TBC1D5: variants seen among roughly 807,000 people sequenced by gnomAD.
TBC1D5 encodes TBC1 domain family, member 5.
A neutral mutation model predicts 100.3 loss-of-function variants in TBC1D5; 75 were observed. The observed-to-expected ratio is 0.75, with a 90% CI of 0.62 to 0.91. TBC1D5 has a LOEUF of 0.91. Among genes scored for constraint, TBC1D5 ranks in the 40% least tolerant of loss-of-function variants. The pLI is 0.00. For missense variants in TBC1D5, 910 were observed against 942.4 expected (o/e 0.97, Z 0.45); for synonymous variants, 323 against 325.6 (o/e 0.99, Z 0.09).
chr3:17,731,187 CATAAT>C (rs2076523097), intron 1 of TBC1D5, among the ~76,000 whole-genome samples: 1 of 152,026 alleles, frequency 6.6e-6, no homozygotes. Context: ...TACAAAATCA[CATAAT>C]ATAAGGGAGG....
At chr3:17,540,905 C>CAAAAAAAAAAAAAAAA (rs71634807) in intron 2 of TBC1D5, among the ~76,000 whole-genome samples, 1 of 31,456 alleles carries the variant, frequency 3.2e-5, no homozygotes, top group Non-Finnish European at 5.0e-5. Flanking sequence ...GGCTCCATCT[C>CAAAAAAAAAAAAAAAA]AAAAAAAAAA....
intron 1 of TBC1D5, among the ~76,000 whole-genome samples, chr3:17,737,860 G>A (rs939187672): frequency 6.6e-6 from 1 of 150,856 alleles, no homozygotes; most frequent in Non-Finnish European, 1.5e-5. Flanking sequence ...TCTTTTCTAG[G>A]CAACTGAATT....
At position 17,723,525 on chromosome 3, in the gene TBC1D5, A is replaced by C. The variant is rs557596802; in HGVS notation, c.-101+15818T>G. On this transcript the variant is annotated intron_variant, in intron 1 of 21. Coordinates refer to ENST00000253692, the Ensembl canonical transcript of TBC1D5. ...TCTGTGTTTACTAAGTATAAACAAT[A>C]ATTTTCTAAGAATAAAATAATTATG... Among the ~76,000 whole-genome samples the C allele has an allele frequency of 2.8e-3, 420 of 152,290 alleles. 1 individual carries two copies. The highest frequency in any genetic ancestry group is 9.7e-3 in the African/African-American group (402 of 41,570).
At chr3:17,732,616 G>A (rs1391889927) in intron 1 of TBC1D5, among the ~76,000 whole-genome samples, 2 of 151,412 alleles carry the variant, frequency 1.3e-5, no homozygotes, top group Non-Finnish European at 2.9e-5. Flanking sequence ...GCATTCGCCT[G>A]TAATCCCAGC....
At chr3:17,603,633 A>C (rs2061146617) in intron 2 of TBC1D5, among the ~76,000 whole-genome samples, 1 of 152,080 alleles carries the variant, frequency 6.6e-6, no homozygotes, top group Admixed American at 6.5e-5. Flanking sequence ...AGCCCCCAGA[A>C]TCAAAGTCAT....
At chr3:17,368,676 TTA>T (rs2092306011) in intron 13 of TBC1D5, among the ~76,000 whole-genome samples, 1 of 151,764 alleles carries the variant, frequency 6.6e-6, no homozygotes, top group South Asian at 2.1e-4. Context: ...TATTTTACTT[TTA>T]TTTTTTATTT....
At chr3:17,473,787 AG>A (rs2095408031) in intron 3 of TBC1D5, among the ~76,000 whole-genome samples, 1 of 152,240 alleles carries the variant, frequency 6.6e-6, no homozygotes, top group African/African-American at 2.4e-5. Flanking sequence ...ATAAAATTTT[AG>A]TAATAACATG....
intron 15 of TBC1D5, among the ~76,000 whole-genome samples, chr3:17,272,382 C>T (rs1184459073): frequency 6.6e-6 from 1 of 152,088 alleles, no homozygotes; most frequent in African/African-American, 2.4e-5. Flanking sequence ...ATTTATGAGG[C>T]ATCAATTAAG....
chr3:17,338,962 G>C (rs1218274554), intron 13 of TBC1D5, among the ~76,000 whole-genome samples: 1 of 152,230 alleles, frequency 6.6e-6, no homozygotes, highest in African/African-American at 2.4e-5. Context: ...CAGATTCACA[G>C]AGGGTTTGAT....
At chr3:17,695,700 G>A (rs747141492) in intron 1 of TBC1D5, among the ~76,000 whole-genome samples, 117 of 152,094 alleles carry the variant, frequency 7.7e-4, no homozygotes, top group Non-Finnish European at 1.0e-3. Context: ...AAGACAGAAG[G>A]TTAACAAAGA....
At chr3:17,611,994 A>G (rs73165779) in intron 2 of TBC1D5, among the ~76,000 whole-genome samples, 7,810 of 152,176 alleles carry the variant, frequency 0.051, 619 homozygotes, top group African/African-American at 0.17. Context: ...AACACTGAAA[A>G]TATTAAGAAA....
intron 2 of TBC1D5, among the ~76,000 whole-genome samples, chr3:17,606,489 C>G (rs1429650526): frequency 6.6e-6 from 1 of 152,018 alleles, no homozygotes; most frequent in Admixed American, 6.6e-5. Flanking sequence ...AAACCTTTGG[C>G]TATCTGTAAT....
At chr3:17,445,818 C>T (rs978963683) in intron 3 of TBC1D5, among the ~76,000 whole-genome samples, 1 of 152,132 alleles carries the variant, frequency 6.6e-6, no homozygotes, top group Admixed American at 6.5e-5. Context: ...TTTCAGGGAT[C>T]CACTTCAAGT....
chr3:17,356,827 A>G (rs191539993), intron 13 of TBC1D5, among the ~76,000 whole-genome samples: 8 of 152,162 alleles, frequency 5.3e-5, no homozygotes, highest in Non-Finnish European at 1.0e-4. Context: ...GTGGTGAGCT[A>G]GTCTCCCATT....
chr3:17,532,255 TC>T (rs1357782195), intron 2 of TBC1D5, among the ~76,000 whole-genome samples: 1 of 152,136 alleles, frequency 6.6e-6, no homozygotes, highest in African/African-American at 2.4e-5. Context: ...TCACTGGCCA[TC>T]AGAGAAATGC....
chr3:17,679,758 CTT>C (rs1172345379), intron 1 of TBC1D5, among the ~76,000 whole-genome samples: 3 of 151,622 alleles, frequency 2.0e-5, no homozygotes, highest in Non-Finnish European at 2.9e-5. Context: ...TTTATAAAAA[CTT>C]ATCAATATTT....
intron 13 of TBC1D5, among the ~76,000 whole-genome samples, chr3:17,318,901 T>G (rs1016167501): frequency 1.3e-5 from 2 of 152,172 alleles, no homozygotes; most frequent in African/African-American, 4.8e-5. Flanking sequence ...AGTTCATGAG[T>G]ACCCCAGTTA....
intron 1 of TBC1D5, among the ~76,000 whole-genome samples, chr3:17,721,908 G>A (rs564169857): frequency 2.0e-5 from 3 of 151,852 alleles, no homozygotes; most frequent in Non-Finnish European, 4.4e-5. Flanking sequence ...TTTGAACCCA[G>A]GAGGCAGAGA....
intron 1 of TBC1D5, among the ~76,000 whole-genome samples, chr3:17,711,734 GTATAAA>G (rs1185882092): frequency 6.6e-6 from 1 of 152,158 alleles, no homozygotes; most frequent in Non-Finnish European, 1.5e-5. Context: ...ACATTGCAAT[GTATAAA>G]TATGCCATAA....
Sources: gnomAD v4.1 joint callset for allele counts (sites outside exome capture counted in the v4.1 genomes callset) on GRCh38, gnomAD v4.1.1 for gene constraint, MANE v1.5 for transcripts, NCBI Gene and HGNC (gene_info 2026-07-23, HGNC 2026-07-21) for gene names.